The following GLP2R variants were observed in gnomAD, a reference collection of about 807,000 sequenced individuals.
GLP2R encodes the protein glucagon like peptide 2 receptor.
GLP2R carries 59 observed loss-of-function variants against 68.2 expected under a neutral mutation model. The observed-to-expected ratio is 0.87, with a 90% CI of 0.70 to 1.07. The LOEUF is 1.07. GLP2R is among the 50% of genes least tolerant of loss of function. The probability of loss-of-function intolerance (pLI) is 0.00; values close to 1 mark genes in which losing one functional copy is unlikely to be tolerated. For synonymous variants in GLP2R, 270 were observed against 265.4 expected, an observed-to-expected ratio of 1.02 and a Z score of -0.17; for missense variants, 548 against 677.4, an observed-to-expected ratio of 0.81 and a Z score of 2.12.
chr17:9,846,353 G>A (rs1489189864), intron 4 of GLP2R, among the ~76,000 whole-genome samples: 1 of 152,124 alleles, frequency 6.6e-6, no homozygotes, highest in African/African-American at 2.4e-5. Flanking sequence ...CAGTAGCTCA[G>A]GCCTGTAATC....
chr17:9,887,414 G>C (rs747188857), intron 11 of GLP2R, among the ~76,000 whole-genome samples: 2 of 152,176 alleles, frequency 1.3e-5, no homozygotes, highest in Non-Finnish European at 2.9e-5. Flanking sequence ...TGTAATTCCA[G>C]CTACTTGGGA....
In GLP2R at chr17:9,880,437, C is replaced by G; in HGVS notation, c.1205C>G (p.Ser402Cys). 2 of 1,599,210 alleles carry G rather than the reference C, an allele frequency of 1.3e-6. No individual in the cohort carries two copies. The highest frequency in any genetic ancestry group is 8.6e-7 in the Non-Finnish European group (1 of 1,168,008). Residue 402 changes from serine to cysteine, a missense_variant, in exon 11 of 13, where the codon TCT becomes TGT. By Grantham distance (112) the Ser-to-Cys change is moderately radical. Transcript: ENST00000262441. ...TTGGGCGTTCATGAGATCCTCTTCTCTTTCATCACTGATGATCAAGTTGAA... is the reference window on the plus strand; with the variant it reads ...TTGGGCGTTCATGAGATCCTCTTCTGTTTCATCACTGATGATCAAGTTGAA... ...PLLGVHEILF[S>C]FITDDQVEGF...
At chr17:9,883,411 G>C (rs995413867) in intron 11 of GLP2R, among the ~76,000 whole-genome samples, 1 of 152,142 alleles carries the variant, frequency 6.6e-6, no homozygotes, top group South Asian at 2.1e-4. Flanking sequence ...CCCAGAAGGA[G>C]AGTAAAGATA....
intron 2 of GLP2R, 140 bp from the exon 3 acceptor site, chr17:9,836,231 G>A (rs920319240): frequency 3.1e-6 from 2 of 636,928 alleles, no homozygotes; most frequent in African/African-American, 1.8e-5. Context: ...TCTAGAGAGT[G>A]GGGCACCCAT....
intron 10 of GLP2R, among the ~76,000 whole-genome samples, chr17:9,876,451 G>A (rs905161931): frequency 6.6e-6 from 1 of 152,212 alleles, no homozygotes; most frequent in Non-Finnish European, 1.5e-5. Context: ...CAGTCATGGG[G>A]GAAGTATGAT....
intron 11 of GLP2R, among the ~76,000 whole-genome samples, chr17:9,882,718 T>C (rs973719416): frequency 1.6e-4 from 25 of 152,192 alleles, no homozygotes; most frequent in African/African-American, 3.6e-4. Flanking sequence ...ATTATTAAGC[T>C]ATTGGAAACA....
Position 9,833,859 on chromosome 17 carries a change from A to G in GLP2R, c.242A>G (p.Gln81Arg), listed in dbSNP as rs377642948. The G allele has an allele frequency of 5.0e-6, 8 of 1,613,168 alleles. No individual in the cohort carries two copies. The African/African-American group carries it at 6.7e-5, about 13-fold the overall frequency. The change falls in exon 2 of 13, where the codon CAG becomes CGG. Residue 81 changes from glutamine to arginine, a missense_variant. Gln to Arg is a conservative substitution (Grantham distance 43). Coordinates refer to ENST00000262441, the MANE Select transcript of GLP2R (RefSeq NM_004246.3). ...ETTRKWAQYK[Q>R]ACLRDLLKEP... ...ACTCGGAAGTGGGCTCAGTACAAAC[A>G]GGCATGTCTGAGAGACTTACTCAAG...
intron 4 of GLP2R, among the ~76,000 whole-genome samples, chr17:9,848,823 T>C (rs1356042007): frequency 6.6e-6 from 1 of 151,534 alleles, no homozygotes; most frequent in African/African-American, 2.4e-5. Flanking sequence ...ACTAACGAGA[T>C]GCTGGGGGTC....
chr17:9,838,478 G>A (rs1351833774), intron 3 of GLP2R, among the ~76,000 whole-genome samples: 2 of 152,110 alleles, frequency 1.3e-5, no homozygotes, highest in Non-Finnish European at 2.9e-5. Context: ...ATGTGGAGCC[G>A]ATCCCTACTT....
intron 11 of GLP2R, among the ~76,000 whole-genome samples, chr17:9,885,148 T>TTTTTTA (rs1555574762): frequency 1.4e-5 from 2 of 143,370 alleles, no homozygotes; most frequent in Admixed American, 7.1e-5. Context: ...TAGTAACCAT[T>TTTTTTA]TTATTATTAT....
At position 9,870,847 on chromosome 17, in the gene GLP2R, A is replaced by C. The variant is rs2067086051; in HGVS notation, c.1145+12A>C. 2 of 1,303,690 alleles carry C rather than the reference A, an allele frequency of 1.5e-6. No homozygotes were observed. Among genetic ancestry groups the C allele is most frequent in the African/African-American group, 2.9e-5 (2 of 69,112 alleles). The allele number at this position is 1,303,690 out of a possible 1,614,324, so 80.8% of individuals were successfully genotyped here. On this transcript the variant is annotated intron_variant, in intron 10 of 12. Transcript: ENST00000262441. ...GATTATAAATACAGGTGAGTGGCTTAAGGTTGGTCCCCAGCAGTCCAAGGT... is the reference window on the plus strand; with the variant it reads ...GATTATAAATACAGGTGAGTGGCTTCAGGTTGGTCCCCAGCAGTCCAAGGT...
chr17:9,837,454 CAGGT>C (rs144443891), intron 3 of GLP2R, among the ~76,000 whole-genome samples: 6,737 of 152,186 alleles, frequency 0.044, 463 homozygotes, highest in African/African-American at 0.15. Context: ...AGAGGAGAAA[CAGGT>C]GGGGGAGAAA....
intron 12 of GLP2R, among the ~76,000 whole-genome samples, chr17:9,888,220 AG>A (rs2067260439): frequency 6.6e-6 from 1 of 152,152 alleles, no homozygotes; most frequent in Non-Finnish European, 1.5e-5. Context: ...TGGAGATGCA[AG>A]GAGTATTCAA....
chr17:9,832,638 C>T (rs563683239), intron 1 of GLP2R, among the ~76,000 whole-genome samples: 1 of 151,744 alleles, frequency 6.6e-6, no homozygotes, highest in South Asian at 2.1e-4. Flanking sequence ...TGCTGAGGTG[C>T]GAGGATCACT....
intron 1 of GLP2R, among the ~76,000 whole-genome samples, chr17:9,830,894 C>T (rs2066673919): frequency 6.6e-6 from 1 of 152,320 alleles, no homozygotes; most frequent in South Asian, 2.1e-4. Flanking sequence ...GATCCTAAAG[C>T]TTGAGAAGTT....
chr17:9,891,012 T>A lies in GLP2R; in HGVS notation c.*1307T>A, dbSNP rs892944478. 6.6e-6 allele frequency: 1 copy of A among 152,154 alleles called. No homozygotes were observed. Among genetic ancestry groups the A allele is most frequent in the Non-Finnish European group, 1.5e-5 (1 of 68,026 alleles). The allele number at this position is 152,154 out of a possible 1,614,324, so 9.4% of individuals were successfully genotyped here. A position where few individuals can be genotyped will look rare whatever the true frequency, so the allele number is the denominator to read the frequency against. The stretch of plus-strand genomic sequence containing the variant: ...TTAATGCACAGGAGTGTCACTTTCA[T>A]GGTATGTAAAATGCATGTGTACGTG... On this transcript the variant is annotated 3_prime_UTR_variant, in exon 13 of 13. Transcript: ENST00000262441.
intron 4 of GLP2R, among the ~76,000 whole-genome samples, chr17:9,853,900 T>C (rs1368620827): frequency 1.3e-5 from 2 of 151,910 alleles, no homozygotes; most frequent in African/African-American, 4.8e-5. Flanking sequence ...TACAAGAAAA[T>C]AAAACTACAG....
chr17:9,854,561 A>G lies in GLP2R; in HGVS notation c.571A>G (p.Ile191Val), dbSNP rs749008308. 1.6e-5 allele frequency: 26 copies of G among 1,611,380 alleles called. No homozygotes were observed. The Middle Eastern group carries it at 8.2e-4, about 51-fold the overall frequency. ...MYTVGYSFSL[I>V]SLFLALTLLL... The stretch of plus-strand genomic sequence containing the variant: ...CACCGTGGGATACTCCTTCTCTCTT[A>G]TCTCCCTCTTCCTGGCTCTCACCCT... The change falls in exon 5 of 13, where the codon ATC (isoleucine) becomes GTC (valine). Residue 191 changes from isoleucine (I) to valine (V), a missense_variant. Coordinates refer to ENST00000262441, the MANE Select transcript of GLP2R (RefSeq NM_004246.3).
At chr17:9,839,882 A>G (rs956898492) in intron 3 of GLP2R, among the ~76,000 whole-genome samples, 2 of 151,908 alleles carry the variant, frequency 1.3e-5, no homozygotes, top group Admixed American at 1.3e-4. Flanking sequence ...CTGCCTATAA[A>G]GCCCCTTGTA....
Sources: allele counts gnomAD v4.1 joint callset (sites outside exome capture counted in the v4.1 genomes callset), GRCh38; gene constraint gnomAD v4.1.1; transcripts MANE v1.5; gene names NCBI Gene and HGNC (gene_info 2026-07-23, HGNC 2026-07-21).